Variants in ZDHHC14 observed in about 807,000 individuals in gnomAD.
ZDHHC14 encodes zDHHC palmitoyltransferase 14.
A neutral mutation model predicts 47.7 loss-of-function variants in ZDHHC14; 16 were observed. That is an observed-to-expected ratio of 0.34 (90% confidence interval 0.23 to 0.51). ZDHHC14 has a LOEUF of 0.51. Among genes scored for constraint, ZDHHC14 ranks in the 20% least tolerant of loss-of-function variants. The pLI is 0.97. For synonymous variants in ZDHHC14, 293 were observed against 278.9 expected (o/e 1.05, Z -0.50); for missense variants, 515 against 662.5 (o/e 0.78, Z 2.44).
chr6:157,382,126 G>A lies in ZDHHC14; in HGVS notation c.105G>A (p.Ala35=), dbSNP rs202099145. ...MESPHKKKKI[A]ARRKWEVFPG... ...CGCCCCACAAGAAGAAGAAAATCGC[G>A]GCCCGGAGGAAATGGGAGGTGTTCC... The change falls in exon 1 of 9, where the codon GCG becomes GCA. Residue 35 remains alanine, a synonymous_variant. Coordinates refer to ENST00000359775, the MANE Select transcript of ZDHHC14 (RefSeq NM_024630.3). 1 of 1,613,504 alleles carries A rather than the reference G, an allele frequency of 6.2e-7. No individual in the cohort carries two copies. The highest frequency in any genetic ancestry group is 1.7e-5 in the Admixed American group (1 of 59,972).
rs1271216648 is a variant in ZDHHC14 at position 157,522,938 on chromosome 6, TTTCTTTCC to T, written c.246-19643_246-19636del. On this transcript the variant is annotated intron_variant, in intron 1 of 8. Transcript: ENST00000359775. Reference sequence around the variant, plus strand: ...CTTCCTTCCTTTCTTTCTTTCTTTCTTTCTTTCCTTCCTTCCTTCCTTCTTTCTTTTCT... The same window carrying T: ...CTTCCTTCCTTTCTTTCTTTCTTTCTTTCCTTCCTTCCTTCTTTCTTTTCT... 5.6e-5 allele frequency among the ~76,000 whole-genome samples: 3 copies of T among 53,924 alleles called. 1 individual carries two copies. Among genetic ancestry groups the T allele is most frequent in the Admixed American group, 4.3e-4 (2 of 4,686 alleles). 35.4% of individuals were successfully genotyped at this position (53,924 alleles called of 152,430 possible). A position where few individuals can be genotyped will look rare whatever the true frequency, so the allele number is the denominator to read the frequency against.
intron 3 of ZDHHC14, among the ~76,000 whole-genome samples, chr6:157,605,450 G>T (rs1353872588): frequency 6.6e-6 from 1 of 152,076 alleles, no homozygotes; most frequent in Non-Finnish European, 1.5e-5. Flanking sequence ...CTTTATTTAT[G>T]TATGGATTCT....
At chr6:157,437,736 C>T (rs1310326761) in intron 1 of ZDHHC14, among the ~76,000 whole-genome samples, 5 of 152,118 alleles carry the variant, frequency 3.3e-5, no homozygotes, top group African/African-American at 9.7e-5. Context: ...TTGATTGCTA[C>T]GGGATAATAA....
chr6:157,658,173 G>C (rs1380920874), intron 8 of ZDHHC14, among the ~76,000 whole-genome samples: 1 of 152,114 alleles, frequency 6.6e-6, no homozygotes, highest in Non-Finnish European at 1.5e-5. Flanking sequence ...GAGATGACTG[G>C]CATGAGGGAA....
intron 5 of ZDHHC14, 98 bp from the exon 6 acceptor site, chr6:157,645,635 TAGAG>T: frequency 1.2e-6 from 1 of 853,622 alleles, no homozygotes; most frequent in South Asian, 1.7e-5. Flanking sequence ...GGCCAGCAAC[TAGAG>T]AGAGGCCTGT....
chr6:157,599,229 G>A (rs1397158288), intron 3 of ZDHHC14, among the ~76,000 whole-genome samples: 1 of 152,226 alleles, frequency 6.6e-6, no homozygotes, highest in Non-Finnish European at 1.5e-5. Context: ...TCAACAAGGA[G>A]GCTGGAGAAT....
chr6:157,495,244 C>T (rs1183916229), intron 1 of ZDHHC14, among the ~76,000 whole-genome samples: 1 of 149,044 alleles, frequency 6.7e-6, no homozygotes, highest in Non-Finnish European at 1.5e-5. Flanking sequence ...TTTTGTTGTC[C>T]TATGTAACTA....
Position 157,427,564 on chromosome 6 carries a change from A to G in ZDHHC14, c.245+45298A>G, listed in dbSNP as rs968220703. 1.3e-5 allele frequency among the ~76,000 whole-genome samples: 2 copies of G among 152,154 alleles called. No homozygotes were observed. Among genetic ancestry groups the G allele is most frequent in the Non-Finnish European group, 2.9e-5 (2 of 68,024 alleles). On this transcript the variant is annotated intron_variant, in intron 1 of 8. Transcript: ENST00000359775. This position sits in a 1 kb window ranked among gnomAD's most constrained non-coding sequence, Gnocchi z 4.4. ...CCAGGAGGCTGGAAAGTCAACAGCA[A>G]TGGCAAAAGGGAAACTGATGTGATA...
At chr6:157,603,212 C>G (rs986587487) in intron 3 of ZDHHC14, among the ~76,000 whole-genome samples, 2 of 152,222 alleles carry the variant, frequency 1.3e-5, no homozygotes, top group African/African-American at 4.8e-5. Flanking sequence ...AATCCAGAAG[C>G]ACTTATGGAG....
intron 1 of ZDHHC14, among the ~76,000 whole-genome samples, chr6:157,393,789 A>G (rs1234527161): frequency 6.6e-6 from 1 of 151,758 alleles, no homozygotes; most frequent in Non-Finnish European, 1.5e-5. Context: ...ATTATTTCCT[A>G]TTCTCCTGCA....
At chr6:157,630,533 TCCTTACACACCCACACTCTCACATAC>T (rs1279523781) in intron 4 of ZDHHC14, 3 of 151,072 alleles carry the variant, frequency 2.0e-5, no homozygotes, top group Non-Finnish European at 4.4e-5. Flanking sequence ...CTCACACATA[TCCTTACACACCCACACTCTCACATAC>T]CCTTACACAC....
intron 2 of ZDHHC14, among the ~76,000 whole-genome samples, chr6:157,545,243 G>T (rs973998741): frequency 3.9e-5 from 2 of 51,670 alleles, no homozygotes; most frequent in African/African-American, 1.4e-4. Context: ...GGAGCTTGTT[G>T]GGATTATGAA....
chr6:157,442,131 C>T (rs1778572296), intron 1 of ZDHHC14, among the ~76,000 whole-genome samples: 2 of 152,124 alleles, frequency 1.3e-5, no homozygotes, highest in Non-Finnish European at 2.9e-5. Context: ...TGGCTCATGC[C>T]TGTAATCCCA....
At chr6:157,444,209 G>A (rs772802532) in intron 1 of ZDHHC14, among the ~76,000 whole-genome samples, 7 of 152,136 alleles carry the variant, frequency 4.6e-5, no homozygotes, top group South Asian at 4.1e-4. Context: ...CTCTACACCC[G>A]CAATGAAGCC....
At chr6:157,650,579 G>A (rs934187887) in intron 7 of ZDHHC14, among the ~76,000 whole-genome samples, 4 of 151,716 alleles carry the variant, frequency 2.6e-5, no homozygotes, top group Non-Finnish European at 5.9e-5. Context: ...CTCTTTTGAT[G>A]ACCTAGTTCT....
intron 1 of ZDHHC14, among the ~76,000 whole-genome samples, chr6:157,453,788 T>TTTTGTGTGTGTGTGTGTGTGTGTG (rs3220439): frequency 2.5e-4 from 37 of 148,196 alleles, no homozygotes; most frequent in African/African-American, 9.1e-4. Context: ...TTTTTGTGTT[T>TTTTGTGTGTGTGTGTGTGTGTGTG]TGTGTGTGTG....
chr6:157,637,970 C>T (rs1040479304), intron 5 of ZDHHC14, among the ~76,000 whole-genome samples: 1 of 152,066 alleles, frequency 6.6e-6, no homozygotes, highest in African/African-American at 2.4e-5. Flanking sequence ...TTCATCAGGC[C>T]CACATAAAAC....
intron 1 of ZDHHC14, among the ~76,000 whole-genome samples, chr6:157,428,567 T>C (rs914692204): frequency 4.0e-4 from 61 of 152,174 alleles, no homozygotes; most frequent in African/African-American, 1.4e-3. Context: ...AGTGGCCTGT[T>C]ACGCCTTGTG....
intron 1 of ZDHHC14, among the ~76,000 whole-genome samples, chr6:157,443,230 T>C (rs577783392): frequency 6.6e-6 from 1 of 152,224 alleles, no homozygotes; most frequent in East Asian, 1.9e-4. Context: ...AAGAAGGTGC[T>C]GCTTCCCCTT....
Sources: allele counts gnomAD v4.1 joint callset (sites outside exome capture counted in the v4.1 genomes callset), GRCh38; gene constraint gnomAD v4.1.1; non-coding constraint Gnocchi (gnomAD v3.1); transcripts MANE v1.5; gene names NCBI Gene and HGNC (gene_info 2026-07-23, HGNC 2026-07-21).